Variants in MYH15 observed in about 807,000 individuals in gnomAD.
The protein encoded by MYH15 is myosin-15.
A neutral mutation model predicts 240.5 loss-of-function variants in MYH15; 227 were observed. The ratio of observed to expected loss-of-function variants is 0.94; its 90% CI spans 0.85 to 1.05. The LOEUF (loss-of-function observed/expected upper bound fraction) is 1.05. Among genes scored for constraint, MYH15 ranks in the 50% least tolerant of loss-of-function variants. The pLI, the probability that MYH15 is intolerant of heterozygous loss-of-function variation, is 0.00. For missense variants in MYH15, 2,217 were observed against 2,247.5 expected (o/e 0.99, Z 0.27); for synonymous variants, 785 against 796.7 (o/e 0.99, Z 0.25).
At chr3:108,442,597 C>A (rs1396974614) in intron 22 of MYH15, among the ~76,000 whole-genome samples, 1 of 152,042 alleles carries the variant, frequency 6.6e-6, no homozygotes, top group East Asian at 1.9e-4. Flanking sequence ...CATCATTGAT[C>A]TCTTCATTAA....
intron 29 of MYH15, among the ~76,000 whole-genome samples, chr3:108,414,964 G>A (rs1227803920): frequency 6.6e-6 from 1 of 152,128 alleles, no homozygotes; most frequent in African/African-American, 2.4e-5. Context: ...TATGTACACT[G>A]TCCAATATGG....
At chr3:108,497,046 A>G (rs950833065) in intron 6 of MYH15, among the ~76,000 whole-genome samples, 9 of 150,850 alleles carry the variant, frequency 6.0e-5, no homozygotes, top group Non-Finnish European at 1.3e-4. Flanking sequence ...CTGTAGTCCC[A>G]GCTGCTCAGA....
chr3:108,421,336 C>T (rs2082682793), intron 27 of MYH15, 122 bp from the exon 28 acceptor site: 1 of 1,153,010 alleles, frequency 8.7e-7, no homozygotes, highest in African/African-American at 1.5e-5. Flanking sequence ...GTAAAGAGCT[C>T]AGCCAGCATT....
the MYH15 span, among the ~76,000 whole-genome samples, chr3:108,534,714 A>G: frequency 2.1e-5 from 3 of 145,612 alleles, no homozygotes; most frequent in East Asian, 1.9e-4. Flanking sequence ...AAAAAAAAAA[A>G]AATTTTTTTT....
rs2082746050 is a variant in MYH15 at position 108,428,604 on chromosome 3, C to G, written c.3590G>C (p.Gly1197Ala). Residue 1197 changes from glycine (G) to alanine (A), a missense_variant, in exon 27 of 41, where the codon GGC becomes GCC. Coordinates refer to ENST00000693548, the MANE Select transcript of MYH15 (RefSeq NM_014981.3). ...GACCTGCTGTAGATTTTCTACCTGG[C>G]CCTCGAGCTCAGCCAGGCTGTCTGC... ...RHADSLAELE[G>A]QVENLQQVKQ... 1 of 1,613,766 alleles carries G rather than the reference C, an allele frequency of 6.2e-7. No individual in the cohort carries two copies. The highest frequency in any genetic ancestry group is 8.5e-7 in the Non-Finnish European group (1 of 1,180,010).
chr3:108,429,952 T>A (rs1211892339), intron 26 of MYH15, among the ~76,000 whole-genome samples: 2 of 152,176 alleles, frequency 1.3e-5, no homozygotes, highest in Admixed American at 6.5e-5. Flanking sequence ...TCAGAAATAA[T>A]CTTTAGAGAA....
intron 2 of MYH15, among the ~76,000 whole-genome samples, chr3:108,504,268 T>C (rs777593994): frequency 5.3e-5 from 8 of 152,234 alleles, no homozygotes; most frequent in Admixed American, 5.2e-4. Flanking sequence ...TTTACTGATT[T>C]AGGACTAAGG....
rs1352046904 is a variant in MYH15, at chr3:108,464,825, G to C, written c.1555-11C>G. On this transcript the variant is annotated splice_polypyrimidine_tract_variant and intron_variant, in intron 14 of 40. Coordinates refer to ENST00000693548, the MANE Select transcript of MYH15 (RefSeq NM_014981.3). ...AAGGATGCCCATTGGCTGTTGAAGA[G>C]ACATAAGAGCAGCAGATTTCTTTAA... 5.7e-6 allele frequency: 9 copies of C among 1,590,054 alleles called. No homozygotes were observed. The South Asian group carries it at 6.9e-5, about 12-fold the overall frequency.
At position 108,510,342 on chromosome 3, in the gene MYH15, T is replaced by C; in HGVS notation, c.88+101A>G. ...CTGATCATACCCTAAGCAAATAAGT[T>C]AGGCTCTAGAACTGATGGCTCTTCT... is the stretch of plus-strand genomic sequence containing the variant. On this transcript the variant is annotated intron_variant, in intron 1 of 40. Coordinates refer to ENST00000693548, the MANE Select transcript of MYH15 (RefSeq NM_014981.3). 4.2e-6 allele frequency: 6 copies of C among 1,444,464 alleles called. No homozygotes were observed. In the South Asian group the frequency reaches 6.1e-5, roughly 15 times the overall value. 89.5% of individuals were successfully genotyped at this position (1,444,464 alleles called of 1,614,324 possible).
chr3:108,537,467 T>C, the MYH15 span, among the ~76,000 whole-genome samples: 49 of 152,300 alleles, frequency 3.2e-4, no homozygotes, highest in African/African-American at 1.0e-3. Flanking sequence ...GATTAAGACA[T>C]GAGAGCAAAG....
At chr3:108,442,322 A>G (rs1441253933) in intron 22 of MYH15, among the ~76,000 whole-genome samples, 1 of 152,132 alleles carries the variant, frequency 6.6e-6, no homozygotes, top group Non-Finnish European at 1.5e-5. Flanking sequence ...ACGGGGCTCA[A>G]AGAAGCACAG....
At chr3:108,474,710 C>G (rs1284022194) in intron 12 of MYH15, among the ~76,000 whole-genome samples, 1 of 152,110 alleles carries the variant, frequency 6.6e-6, no homozygotes, top group African/African-American at 2.4e-5. Flanking sequence ...GTTCTATAAA[C>G]ATAGCATGTC....
chr3:108,400,893 AC>A (rs759998659), intron 33 of MYH15, among the ~76,000 whole-genome samples: 4 of 152,164 alleles, frequency 2.6e-5, no homozygotes, highest in African/African-American at 2.4e-5. Context: ...TGGAGGTGCT[AC>A]TTTTCGTGAC....
the MYH15 span, among the ~76,000 whole-genome samples, chr3:108,539,806 T>A: frequency 6.6e-6 from 1 of 152,178 alleles, no homozygotes; most frequent in East Asian, 1.9e-4. Flanking sequence ...GTTTCCTGGC[T>A]GTACCCTTTT....
chr3:108,420,882 T>G (rs1560343440), intron 28 of MYH15, among the ~76,000 whole-genome samples: 1 of 152,146 alleles, frequency 6.6e-6, no homozygotes, highest in Non-Finnish European at 1.5e-5. Flanking sequence ...GGAAGGGAAC[T>G]AGGCAGGGGT....
intron 3 of MYH15, among the ~76,000 whole-genome samples, chr3:108,501,106 A>G (rs1042327973): frequency 2.0e-5 from 3 of 152,210 alleles, no homozygotes. Flanking sequence ...AGGGAAACTA[A>G]TACAGTTACA....
intron 33 of MYH15, among the ~76,000 whole-genome samples, chr3:108,401,175 G>A (rs569675507): frequency 2.0e-4 from 31 of 152,140 alleles, no homozygotes; most frequent in Non-Finnish European, 3.4e-4. Context: ...AAATTTACAC[G>A]TTCTTGCCGT....
intron 14 of MYH15, among the ~76,000 whole-genome samples, chr3:108,468,274 C>G (rs1015087633): frequency 3.3e-5 from 5 of 152,150 alleles, no homozygotes; most frequent in African/African-American, 4.8e-5. Flanking sequence ...CTGATATAGA[C>G]TTTTTTGTAA....
chr3:108,440,945 A>T, intron 23 of MYH15, 73 bp downstream of exon 23: 1 of 1,575,522 alleles, frequency 6.3e-7, no homozygotes, highest in Non-Finnish European at 8.7e-7. Flanking sequence ...AGAGCAAGTC[A>T]GATACCAAAA....
Sources: allele counts gnomAD v4.1 joint callset (sites outside exome capture counted in the v4.1 genomes callset), GRCh38; gene constraint gnomAD v4.1.1; transcripts MANE v1.5; gene names NCBI Gene and HGNC (gene_info 2026-07-23, HGNC 2026-07-21).